The following KRT222 variants were observed in gnomAD, a reference collection of about 807,000 sequenced individuals.
The protein encoded by KRT222 is keratin-like protein KRT222.
Under a neutral mutation model 35.0 loss-of-function variants are expected in KRT222, and 23 were observed. That is an observed-to-expected ratio of 0.66 (90% CI 0.47 to 0.93). KRT222 has a LOEUF of 0.93. KRT222 is among the 40% of genes least tolerant of loss of function. The pLI, the probability that KRT222 is intolerant of heterozygous loss-of-function variation, is 0.00. For missense variants in KRT222, 339 were observed against 346.3 expected (o/e 0.98, Z 0.17); for synonymous variants, 108 against 118.8 (o/e 0.91, Z 0.59).
Position 40,657,497 on chromosome 17 carries a change from TATC to T in KRT222, c.524-13_524-11del. The T allele has an allele frequency of 6.3e-7, 1 of 1,575,366 alleles. No individual in the cohort carries two copies. On this transcript the variant is annotated splice_polypyrimidine_tract_variant and intron_variant, in intron 4 of 5. Transcript: ENST00000394052. Reference sequence around the variant, plus strand: ...ATTTCATTTATAATGGCTGTGAAAATATCATTTATGATATATTAAATTACAGTA... The same window carrying T: ...ATTTCATTTATAATGGCTGTGAAAATATTTATGATATATTAAATTACAGTA...
At chr17:40,659,948 T>C in intron 3 of KRT222, 39 bp downstream of exon 3, 1 of 1,550,344 alleles carries the variant, frequency 6.5e-7, no homozygotes, top group Non-Finnish European at 8.9e-7. Context: ...TGGCTCTGTA[T>C]TTCTGGCCCC....
At chr17:40,659,949 T>A in intron 3 of KRT222, 38 bp downstream of exon 3, 1 of 1,548,342 alleles carries the variant, frequency 6.5e-7, no homozygotes, top group South Asian at 1.1e-5. Context: ...GGCTCTGTAT[T>A]TCTGGCCCCT....
intron 1 of KRT222, among the ~76,000 whole-genome samples, chr17:40,663,451 G>A (rs755323306): frequency 1.3e-5 from 2 of 152,192 alleles, no homozygotes; most frequent in Non-Finnish European, 2.9e-5. Context: ...CTGCTGGAGA[G>A]ATCCTGTAGA....
chr17:40,660,706 ATAAC>A (rs2037378103), intron 2 of KRT222, among the ~76,000 whole-genome samples: 1 of 152,026 alleles, frequency 6.6e-6, no homozygotes, highest in African/African-American at 2.4e-5. Flanking sequence ...TTTTATTTAC[ATAAC>A]TAGAGATCTT....
chr17:40,656,703 T>A, intron 5 of KRT222, 73 bp from the exon 6 acceptor site: 1 of 764,986 alleles, frequency 1.3e-6, no homozygotes, highest in South Asian at 2.0e-5. Flanking sequence ...ATATATTTCA[T>A]ATCTATGGAA....
At chr17:40,658,042 A>G (rs1183668306) in intron 3 of KRT222, among the ~76,000 whole-genome samples, 1 of 152,168 alleles carries the variant, frequency 6.6e-6, no homozygotes, top group Non-Finnish European at 1.5e-5. Flanking sequence ...ATAAGCATCA[A>G]ATTCAGAAGC....
chr17:40,660,248 A>T, intron 2 of KRT222, 41 bp from the exon 3 acceptor site: 4 of 1,487,706 alleles, frequency 2.7e-6, no homozygotes, highest in Non-Finnish European at 3.7e-6. Context: ...AGTAACACAG[A>T]ATGTGTTTCT....
rs201202248 is a variant in KRT222 at position 40,662,924 on chromosome 17, A to G, written c.97-880T>C. 1.1e-4 allele frequency among the ~76,000 whole-genome samples: 17 copies of G among 152,202 alleles called. No individual in the cohort carries two copies. In the East Asian group the frequency reaches 2.5e-3, roughly 22 times the overall value. The stretch of plus-strand genomic sequence containing the variant: ...TTATAAAAATATATTTTAACATTTA[A>G]AAATTTAATTTTATCATACATTAGA... On this transcript the variant is annotated intron_variant, in intron 1 of 5. Coordinates refer to ENST00000394052, the MANE Select transcript of KRT222 (RefSeq NM_152349.3).
At chr17:40,664,790 C>T in intron 1 of KRT222, 1 of 692,832 alleles carries the variant, frequency 1.4e-6, no homozygotes, top group East Asian at 3.2e-5. Context: ...AAATCAAATG[C>T]ATCAATCAAC....
rs772769622 is a variant in KRT222, at chr17:40,657,490, G to A, written c.524-3C>T. Reference sequence around the variant, plus strand: ...AAAAGATATTTCATTTATAATGGCTGTGAAAATATCATTTATGATATATTA... The same window carrying A: ...AAAAGATATTTCATTTATAATGGCTATGAAAATATCATTTATGATATATTA... On this transcript the variant is annotated splice_polypyrimidine_tract_variant and splice_region_variant and intron_variant, in intron 4 of 5. Transcript: ENST00000394052. 3 of 1,579,702 alleles carry A rather than the reference G, an allele frequency of 1.9e-6. No homozygotes were observed. Among genetic ancestry groups the A allele is most frequent in the Admixed American group, 1.7e-5 (1 of 58,082 alleles).
Position 40,661,963 on chromosome 17 carries a change from G to T in KRT222, c.178C>A (p.Arg60Ser), listed in dbSNP as rs145393907. Residue 60 changes from arginine to serine, a missense_variant, in exon 2 of 6, where the codon CGC (arginine) becomes AGC (serine). Physicochemically the swap from Arg to Ser is moderately radical, Grantham distance 110. Transcript: ENST00000394052. ...AAQAELKEAR[R>S]QWHHLQVEIE... is the part of the protein sequence containing the mutation. ...TCCACTTGCAGGTGGTGCCACTGGC[G>T]TCGGGCCTCCTTGAGTTCTGCTTGA... 1.2e-6 allele frequency: 2 copies of T among 1,614,112 alleles called. No individual in the cohort carries two copies. The highest frequency in any genetic ancestry group is 2.2e-5 in the East Asian group (1 of 44,890).
At chr17:40,657,311 T>C in intron 5 of KRT222, 41 bp downstream of exon 5, 1 of 1,353,458 alleles carries the variant, frequency 7.4e-7, no homozygotes, top group Non-Finnish European at 9.9e-7. Context: ...TTTCTTTACA[T>C]ATATTTATTA....
Position 40,662,102 on chromosome 17 carries a change from ATG to A in KRT222, c.97-60_97-59del, listed in dbSNP as rs977924895. On this transcript the variant is annotated intron_variant, in intron 1 of 5. Coordinates refer to ENST00000394052, the MANE Select transcript of KRT222 (RefSeq NM_152349.3). The stretch of plus-strand genomic sequence containing the variant: ...CAAAAAACAAGGAGTGCTTCTGAAA[ATG>A]AGATGTGTAAAAGCAATTATAGAAA... 4.8e-5 allele frequency: 77 copies of A among 1,590,950 alleles called. No individual in the cohort carries two copies. In the Middle Eastern group the frequency reaches 1.2e-3, roughly 24 times the overall value.
At position 40,662,509 on chromosome 17, in the gene KRT222, C is replaced by T. The variant is rs560647694; in HGVS notation, c.97-465G>A. ...TCTGGGACCAGGTATAGGGATAGGG[C>T]GTAAATACTGCTAGGAAATACATTA... On this transcript the variant is annotated intron_variant, in intron 1 of 5. Transcript: ENST00000394052. 2.0e-4 allele frequency among the ~76,000 whole-genome samples: 30 copies of T among 152,128 alleles called. 1 individual carries two copies. The highest frequency in any genetic ancestry group is 1.6e-3 in the Admixed American group (25 of 15,286).
chr17:40,665,080 A>G lies in KRT222; in HGVS notation c.20T>C (p.Leu7Pro). The G allele has an allele frequency of 6.2e-7, 1 of 1,613,958 alleles. No individual in the cohort carries two copies. Among genetic ancestry groups the G allele is most frequent in the Non-Finnish European group, 8.5e-7 (1 of 1,179,950 alleles). MELSQL[L>P]NEIRANYEKI... ...TTCATAGTTTGCCCTGATCTCATTGAGTAGCTGGGACAGTTCCATTCTTTT... is the reference window on the plus strand; with the variant it reads ...TTCATAGTTTGCCCTGATCTCATTGGGTAGCTGGGACAGTTCCATTCTTTT... The change falls in exon 1 of 6, where the codon CTC (leucine) becomes CCC (proline). Residue 7 changes from leucine to proline, a missense_variant. Leu to Pro is a moderately conservative substitution (Grantham distance 98, BLOSUM62 -3). Transcript: ENST00000394052.
chr17:40,660,766 A>AG (rs376687636), intron 2 of KRT222, among the ~76,000 whole-genome samples: 1 of 151,230 alleles, frequency 6.6e-6, no homozygotes, highest in East Asian at 1.9e-4. Flanking sequence ...TGAAAAAAAA[A>AG]TCCTCTGCAG....
At chr17:40,660,266 G>T in intron 2 of KRT222, 59 bp from the exon 3 acceptor site, 4 of 1,371,418 alleles carry the variant, frequency 2.9e-6, no homozygotes, top group Non-Finnish European at 2.0e-6. Flanking sequence ...TCTGAAATCT[G>T]ATTTGCAATA....
Position 40,662,000 on chromosome 17 carries a change from A to G in KRT222, c.141T>C (p.Ala47=). 6.2e-7 allele frequency: 1 copy of G among 1,614,128 alleles called. No individual in the cohort carries two copies. The highest frequency in any genetic ancestry group is 8.5e-7 in the Non-Finnish European group (1 of 1,180,016). Residue 47 remains alanine (A), a synonymous_variant, in exon 2 of 6, where the codon GCT becomes GCC. Transcript: ENST00000394052. ...ISKKMDKDEE[A]LKAAQAELKE... is the part of the protein sequence containing the mutation. ...TGAGTTCTGCTTGAGCTGCCTTCAA[A>G]GCCTCTTCATCTTTGTCCATTTTTT...
In KRT222 at chr17:40,657,507, G is replaced by A. The variant is rs753493633; in HGVS notation, c.524-20C>T. ...TAATGGCTGTGAAAATATCATTTAT[G>A]ATATATTAAATTACAGTATTGAATT... On this transcript the variant is annotated intron_variant, in intron 4 of 5. Transcript: ENST00000394052. The A allele has an allele frequency of 6.4e-5, 100 of 1,555,342 alleles. 1 individual carries two copies. In the South Asian group the frequency reaches 9.4e-4, roughly 15 times the overall value.
Sources: gnomAD v4.1 joint callset for allele counts (sites outside exome capture counted in the v4.1 genomes callset) on GRCh38, gnomAD v4.1.1 for gene constraint, MANE v1.5 for transcripts, NCBI Gene and HGNC (gene_info 2026-07-23, HGNC 2026-07-21) for gene names.